SPIN1: variants seen among roughly 807,000 people sequenced by gnomAD.
The protein encoded by SPIN1 is spindlin 1.
Under a neutral mutation model 26.0 loss-of-function variants are expected in SPIN1, and 3 were observed. The observed-to-expected ratio is 0.12, with a 90% CI of 0.05 to 0.30. The LOEUF is 0.30. Among genes scored for constraint, SPIN1 ranks in the 10% least tolerant of loss-of-function variants. The pLI, the probability that SPIN1 is intolerant of heterozygous loss-of-function variation, is 1.00. For missense variants in SPIN1, 126 were observed against 333.4 expected, an observed-to-expected ratio of 0.38 and a Z score of 4.84; for synonymous variants, 101 against 116.5, an observed-to-expected ratio of 0.87 and a Z score of 0.86.
Position 88,470,599 on chromosome 9 carries a change from C to G in SPIN1, c.589+1994C>G, listed in dbSNP as rs181119037. 6.4e-3 allele frequency among the ~76,000 whole-genome samples: 824 copies of G among 128,606 alleles called. 2 individuals are homozygous for G. Among genetic ancestry groups the G allele is most frequent in the Admixed American group, 0.011 (154 of 14,472 alleles). 84.4% of individuals were successfully genotyped at this position (128,606 alleles called of 152,430 possible). A position where few individuals can be genotyped will look rare whatever the true frequency, so the allele number is the denominator to read the frequency against. ...TCTTTCATATGCTTATTGGCCCCCC[C>G]CCTTTTTTTTTTTGAGACAGAGTCT... On this transcript the variant is annotated intron_variant, in intron 5 of 5. Coordinates refer to ENST00000375859, the MANE Select transcript of SPIN1 (RefSeq NM_006717.3).
chr9:88,403,766 A>G (rs1425298289), intron 1 of SPIN1, among the ~76,000 whole-genome samples: 2 of 152,200 alleles, frequency 1.3e-5, no homozygotes, highest in Non-Finnish European at 2.9e-5. Flanking sequence ...TTAAGGGGCC[A>G]GTATTATTAG....
intron 1 of SPIN1, chr9:88,411,181 A>G (rs1827435562): frequency 7.2e-7 from 1 of 1,384,436 alleles, no homozygotes; most frequent in Non-Finnish European, 1.0e-6. Flanking sequence ...GTCTTTAAGA[A>G]TCTTCTGTTG....
At chr9:88,454,622 A>T (rs567767917) in intron 3 of SPIN1, among the ~76,000 whole-genome samples, 7 of 152,240 alleles carry the variant, frequency 4.6e-5, no homozygotes, top group African/African-American at 1.7e-4. Context: ...AATATAGAGT[A>T]GTGTATCATA....
chr9:88,395,845 A>G (rs1827040687), intron 1 of SPIN1, among the ~76,000 whole-genome samples: 1 of 151,722 alleles, frequency 6.6e-6, no homozygotes, highest in Admixed American at 6.6e-5. Flanking sequence ...TCAGGAGTTC[A>G]AGAACAGCCT....
intron 3 of SPIN1, among the ~76,000 whole-genome samples, chr9:88,451,737 T>G (rs984995911): frequency 6.6e-6 from 1 of 152,152 alleles, no homozygotes; most frequent in African/African-American, 2.4e-5. Flanking sequence ...ATTTTTGTAT[T>G]TTTAGTATAG....
chr9:88,394,137 C>G (rs1230529126), intron 1 of SPIN1, among the ~76,000 whole-genome samples: 2 of 152,230 alleles, frequency 1.3e-5, no homozygotes, highest in Non-Finnish European at 2.9e-5. Flanking sequence ...GTGTGAGCCA[C>G]CATGTGTGGC....
intron 1 of SPIN1, among the ~76,000 whole-genome samples, chr9:88,426,172 G>A (rs1448440773): frequency 6.6e-6 from 1 of 152,102 alleles, no homozygotes; most frequent in Non-Finnish European, 1.5e-5. Flanking sequence ...CATGTCCCAG[G>A]CTTCTTTTTT....
chr9:88,456,803 C>T (rs1828481445), intron 3 of SPIN1, among the ~76,000 whole-genome samples: 2 of 151,932 alleles, frequency 1.3e-5, no homozygotes, highest in Admixed American at 6.6e-5. Context: ...GAAGAACAAG[C>T]CAGGAATCAC....
chr9:88,452,493 A>G (rs560640512), intron 3 of SPIN1, among the ~76,000 whole-genome samples: 1 of 152,360 alleles, frequency 6.6e-6, no homozygotes, highest in Admixed American at 6.5e-5. Flanking sequence ...TAAGTTGGTC[A>G]GAACATTGAA....
chr9:88,465,341 C>T (rs564855678), intron 4 of SPIN1, among the ~76,000 whole-genome samples: 4 of 152,190 alleles, frequency 2.6e-5, no homozygotes, highest in South Asian at 2.1e-4. Context: ...ATTTTAGTAT[C>T]GTAATTCTAA....
At chr9:88,462,446 C>A in intron 3 of SPIN1, 50 bp from the exon 4 acceptor site, 1 of 1,586,506 alleles carries the variant, frequency 6.3e-7, no homozygotes. Context: ...TAGATCTAGG[C>A]ATGCATACTT....
chr9:88,468,339 T>C (rs766625966), intron 4 of SPIN1, 33 bp from the exon 5 acceptor site: 4 of 1,451,920 alleles, frequency 2.8e-6, no homozygotes, highest in Non-Finnish European at 2.8e-6. Flanking sequence ...CGAAACACTT[T>C]GTCAACTTTT....
At chr9:88,434,772 A>G (rs1045472720) in intron 2 of SPIN1, among the ~76,000 whole-genome samples, 1 of 152,082 alleles carries the variant, frequency 6.6e-6, no homozygotes, top group Admixed American at 6.6e-5. Flanking sequence ...AATAGCTACA[A>G]TGAGCTGCGC....
At chr9:88,444,089 C>A (rs1413455604) in intron 2 of SPIN1, among the ~76,000 whole-genome samples, 1 of 152,040 alleles carries the variant, frequency 6.6e-6, no homozygotes, top group East Asian at 1.9e-4. Context: ...AATTCTCTGA[C>A]TAGTCTAAGA....
chr9:88,428,879 T>C (rs1384628122), intron 2 of SPIN1, among the ~76,000 whole-genome samples: 1 of 152,158 alleles, frequency 6.6e-6, no homozygotes, highest in African/African-American at 2.4e-5. Context: ...GCCTATTCTC[T>C]CTTTCTTTTT....
At chr9:88,432,485 CT>C (rs539466271) in intron 2 of SPIN1, among the ~76,000 whole-genome samples, 152 of 141,440 alleles carry the variant, frequency 1.1e-3, no homozygotes, top group Middle Eastern at 3.6e-3. Context: ...ACCCTGGCTC[CT>C]TTTTTTTTTT....
chr9:88,443,684 G>GC (rs915539965), intron 2 of SPIN1, among the ~76,000 whole-genome samples: 5 of 152,182 alleles, frequency 3.3e-5, no homozygotes. Context: ...TAGGTCTTTA[G>GC]CAAGGTAGTG....
rs1260450757 is a variant in SPIN1 at position 88,440,318 on chromosome 9, A to AT, written c.53-8613dup. Among the ~76,000 whole-genome samples the AT allele has an allele frequency of 3.3e-3, 466 of 142,612 alleles. 3 individuals are homozygous for AT. The highest frequency in any genetic ancestry group is 0.011 in the African/African-American group (434 of 38,606). The allele number at this position is 142,612 out of a possible 152,430, so 93.6% of individuals were successfully genotyped here. A position where few individuals can be genotyped will look rare whatever the true frequency, so the allele number is the denominator to read the frequency against. On this transcript the variant is annotated intron_variant, in intron 2 of 5. Transcript: ENST00000375859. Reference sequence around the variant, plus strand: ...ATATCAAGGATATTTTTTGTTTTTAATTTTTTTTTTAATTTTTAAAAATAG... The same window carrying AT: ...ATATCAAGGATATTTTTTGTTTTTAATTTTTTTTTTTAATTTTTAAAAATAG...
intron 2 of SPIN1, among the ~76,000 whole-genome samples, chr9:88,442,987 G>A (rs1828168258): frequency 6.6e-6 from 1 of 151,896 alleles, no homozygotes; most frequent in Non-Finnish European, 1.5e-5. Flanking sequence ...GGGCGTGGTG[G>A]CACACGCCTG....
Sources: allele counts gnomAD v4.1 joint callset (sites outside exome capture counted in the v4.1 genomes callset), GRCh38; gene constraint gnomAD v4.1.1; transcripts MANE v1.5; gene names NCBI Gene and HGNC (gene_info 2026-07-23, HGNC 2026-07-21).